Variants in PHKG2 observed in about 807,000 individuals in gnomAD.
PHKG2 encodes phosphorylase b kinase gamma catalytic chain, liver/testis isoform.
Under a neutral mutation model 44.5 loss-of-function variants are expected in PHKG2, and 28 were observed. The ratio of observed to expected loss-of-function variants is 0.63; its 90% CI spans 0.47 to 0.86. The LOEUF (loss-of-function observed/expected upper bound fraction) is 0.86. Among genes scored for constraint, PHKG2 ranks in the 40% least tolerant of loss-of-function variants. The pLI, the probability that PHKG2 is intolerant of heterozygous loss-of-function variation, is 0.00. For synonymous variants in PHKG2, 220 were observed against 211.2 expected (o/e 1.04, Z -0.36); for missense variants, 498 against 547.5 (o/e 0.91, Z 0.90).
Position 30,753,404 on chromosome 16 carries a change from C to G in PHKG2, c.403C>G (p.Arg135Gly). 2 of 1,614,144 alleles carry G rather than the reference C, an allele frequency of 1.2e-6. No homozygotes were observed. Among genetic ancestry groups the G allele is most frequent in the Non-Finnish European group, 1.7e-6 (2 of 1,180,018 alleles). The change falls in exon 6 of 10, where the codon CGG (arginine) becomes GGG (glycine). Residue 135 changes from arginine (R) to glycine (G), a missense_variant. Arg to Gly is a moderately radical substitution (Grantham distance 125, BLOSUM62 -2). Transcript: ENST00000563588. ...CTCCCCTTCCCCCAGGTCCATCATGCGGTCTCTGCTGGAAGCAGTGAGCTT... is the reference window on the plus strand; with the variant it reads ...CTCCCCTTCCCCCAGGTCCATCATGGGGTCTCTGCTGGAAGCAGTGAGCTT... ...LSEKETRSIM[R>G]SLLEAVSFLH...
At position 30,753,531 on chromosome 16, in the gene PHKG2, A is replaced by T. The variant is rs139116127; in HGVS notation, c.530A>T (p.His177Leu). The T allele has an allele frequency of 6.2e-6, 10 of 1,614,036 alleles. No homozygotes were observed. Among genetic ancestry groups the T allele is most frequent in the Non-Finnish European group, 6.8e-6 (8 of 1,180,026 alleles). ...CTTTCAGATTTCGGGTTCTCCTGCC[A>T]CTTGGAACCTGGCGAGAAGCTTCGA... Reference protein sequence around the residue: ...IRLSDFGFSCHLEPGEKLREL... With the variant: ...IRLSDFGFSCLLEPGEKLREL... Residue 177 changes from histidine (H) to leucine (L), a missense_variant, in exon 6 of 10, where the codon CAC becomes CTC. Coordinates refer to ENST00000563588, the MANE Select transcript of PHKG2 (RefSeq NM_000294.3).
At position 30,751,569 on chromosome 16, in the gene PHKG2, G is replaced by C. The variant is rs746197626; in HGVS notation, c.292G>C (p.Glu98Gln). The change falls in exon 4 of 10, where the codon GAG (glutamate) becomes CAG (glutamine). Residue 98 changes from glutamate (E) to glutamine (Q), a missense_variant. Glu to Gln is a conservative substitution (Grantham distance 29). Transcript: ENST00000563588. ...PHIITLIDSY[E>Q]SSSFMFLVFD... ...CCTAGTCACCCTCATCGATTCCTAC[G>C]AGTCTTCTAGCTTCATGTTCCTGGT... is the stretch of plus-strand genomic sequence containing the variant. 1.9e-6 allele frequency: 3 copies of C among 1,613,612 alleles called. No homozygotes were observed. The highest frequency in any genetic ancestry group is 2.7e-5 in the African/African-American group (2 of 74,836).
At chr16:30,753,326 T>C in intron 5 of PHKG2, 29 bp downstream of exon 5, 1 of 1,612,250 alleles carries the variant, frequency 6.2e-7, no homozygotes, top group Non-Finnish European at 8.5e-7. Flanking sequence ...GCCCCAGGGG[T>C]GAGCAGGGGG....
In PHKG2 at chr16:30,757,079, C is replaced by G. The variant is rs369904042; in HGVS notation, c.1203C>G (p.Ala401=). Residue 401 remains alanine, a synonymous_variant, in exon 10 of 10, where the codon GCC becomes GCG. Transcript: ENST00000563588. ...CTGCTGCTATAACTGAGGATGAGGC[C>G]GTGCTTGTGCTGGGCTAGGACCTCA... ...GDSAAITEDE[A]VLVLG 1.2e-6 allele frequency: 2 copies of G among 1,613,294 alleles called. No homozygotes were observed. The highest frequency in any genetic ancestry group is 2.2e-5 in the East Asian group (1 of 44,878).
In PHKG2 at chr16:30,758,462, C is replaced by CA. The variant is rs2053523253; in HGVS notation, c.*1365_*1366insA. On this transcript the variant is annotated 3_prime_UTR_variant, in exon 10 of 10. Coordinates refer to ENST00000563588, the MANE Select transcript of PHKG2 (RefSeq NM_000294.3). ...GGTATACATGGGCCATGGTGGTTTGCTTTACCCATCAACCCATCATATAGG... is the reference window on the plus strand; with the variant it reads ...GGTATACATGGGCCATGGTGGTTTGCATTTACCCATCAACCCATCATATAGG... The CA allele has an allele frequency of 6.0e-6, 1 of 166,942 alleles. No homozygotes were observed. Among genetic ancestry groups the CA allele is most frequent in the Non-Finnish European group, 1.3e-5 (1 of 76,274 alleles). 10.3% of individuals were successfully genotyped at this position (166,942 alleles called of 1,614,324 possible).
At chr16:30,754,186 G>A (rs2053387505) in intron 6 of PHKG2, among the ~76,000 whole-genome samples, 2 of 141,830 alleles carry the variant, frequency 1.4e-5, no homozygotes, top group South Asian at 4.5e-4. Flanking sequence ...TTTTTTTTGA[G>A]ACAGAGTCTC....
chr16:30,760,761 G>A lies in PHKG2; in HGVS notation c.*3664G>A. 8.5e-7 allele frequency: 1 copy of A among 1,176,734 alleles called. No homozygotes were observed. The highest frequency in any genetic ancestry group is 1.2e-6 in the Non-Finnish European group (1 of 810,534). The allele number at this position is 1,176,734 out of a possible 1,614,324, so 72.9% of individuals were successfully genotyped here. A position where few individuals can be genotyped will look rare whatever the true frequency, so the allele number is the denominator to read the frequency against. Reference sequence around the variant, plus strand: ...GCGTGAGACTGGGAGTTGGCCACCGGCGTGAAGCTGGGCTCTTTTGCCAGC... The same window carrying A: ...GCGTGAGACTGGGAGTTGGCCACCGACGTGAAGCTGGGCTCTTTTGCCAGC... On this transcript the variant is annotated 3_prime_UTR_variant, in exon 10 of 10. Transcript: ENST00000563588.
rs563001708 is a variant in PHKG2, at chr16:30,749,655, T to A, written c.95+740T>A. 1.3e-3 allele frequency among the ~76,000 whole-genome samples: 197 copies of A among 152,330 alleles called. 2 individuals are homozygous for A. Among genetic ancestry groups the A allele is most frequent in the Non-Finnish European group, 2.3e-3 (154 of 68,022 alleles). On this transcript the variant is annotated intron_variant, in intron 2 of 9. Transcript: ENST00000563588. ...CACCGCGCCTGGTTGACTGAATAGT[T>A]CTAAATGGGAAGAATCAGTGATCAG...
chr16:30,748,559 C>T, intron 1 of PHKG2, 69 bp downstream of exon 1: 2 of 548,656 alleles, frequency 3.6e-6, no homozygotes, highest in Non-Finnish European at 6.5e-6. Context: ...CAACAGCCGC[C>T]TGCCCTTGCG....
Position 30,760,762 on chromosome 16 carries a change from C to G in PHKG2, c.*3665C>G. 9 of 1,176,470 alleles carry G rather than the reference C, an allele frequency of 7.6e-6. No homozygotes were observed. The highest frequency in any genetic ancestry group is 1.3e-5 in the South Asian group (1 of 76,496). 72.9% of individuals were successfully genotyped at this position (1,176,470 alleles called of 1,614,324 possible). On this transcript the variant is annotated 3_prime_UTR_variant, in exon 10 of 10. Transcript: ENST00000563588. ...CGTGAGACTGGGAGTTGGCCACCGGCGTGAAGCTGGGCTCTTTTGCCAGCT... is the reference window on the plus strand; with the variant it reads ...CGTGAGACTGGGAGTTGGCCACCGGGGTGAAGCTGGGCTCTTTTGCCAGCT...
At chr16:30,749,204 G>GT (rs1555466889) in intron 2 of PHKG2, among the ~76,000 whole-genome samples, 46 of 91,928 alleles carry the variant, frequency 5.0e-4, no homozygotes, top group Middle Eastern at 5.2e-3. Flanking sequence ...TGCTGGTGGT[G>GT]GTGTGTGTGT....
chr16:30,755,785 A>T (rs565353097), intron 6 of PHKG2, among the ~76,000 whole-genome samples: 3 of 151,724 alleles, frequency 2.0e-5, no homozygotes, highest in Admixed American at 1.3e-4. Flanking sequence ...AATGCAGAAA[A>T]TTTTTTTTTG....
chr16:30,758,656 T>C lies in PHKG2; in HGVS notation c.*1559T>C, dbSNP rs376553532. 4.0e-5 allele frequency: 12 copies of C among 301,386 alleles called. No individual in the cohort carries two copies. The highest frequency in any genetic ancestry group is 2.6e-4 in the African/African-American group (12 of 45,796). 18.7% of individuals were successfully genotyped at this position (301,386 alleles called of 1,614,324 possible). ...CTGCAGTCTCCACCTCCTGGGTTCA[T>C]GCAGTTCTCCTGCCTCAGCCTCCTG... On this transcript the variant is annotated 3_prime_UTR_variant, in exon 10 of 10. Coordinates refer to ENST00000563588, the MANE Select transcript of PHKG2 (RefSeq NM_000294.3).
At position 30,760,594 on chromosome 16, in the gene PHKG2, CT is replaced by C; in HGVS notation, c.*3498del. ...TGCCAAGAGCTCTTCCCACGCCCCC[CT>C]CAGTCCCTACTCCCTCATCTCAGCA... On this transcript the variant is annotated 3_prime_UTR_variant, in exon 10 of 10. Coordinates refer to ENST00000563588, the MANE Select transcript of PHKG2 (RefSeq NM_000294.3). 1 of 1,556,004 alleles carries C rather than the reference CT, an allele frequency of 6.4e-7. No homozygotes were observed. The highest frequency in any genetic ancestry group is 8.7e-7 in the Non-Finnish European group (1 of 1,147,326).
chr16:30,748,711 A>G (rs1378509045), intron 1 of PHKG2, 92 bp from the exon 2 acceptor site: 1 of 70,936 alleles, frequency 1.4e-5, no homozygotes, highest in African/African-American at 1.2e-4. Context: ...CTGGCGCCCC[A>G]GCTGCAAGGG....
chr16:30,757,378 G>A lies in PHKG2; in HGVS notation c.*281G>A. 6.5e-7 allele frequency: 1 copy of A among 1,544,330 alleles called. No homozygotes were observed. Among genetic ancestry groups the A allele is most frequent in the Non-Finnish European group, 8.7e-7 (1 of 1,145,898 alleles). ...ACGCCAGGGAGAACAGGTGTCCTGT[G>A]TCTGTCTGGCTTGGGCAGGAAAGCC... On this transcript the variant is annotated 3_prime_UTR_variant, in exon 10 of 10. Coordinates refer to ENST00000563588, the MANE Select transcript of PHKG2 (RefSeq NM_000294.3).
rs1414193475 is a variant in PHKG2 at position 30,749,139 on chromosome 16, C to CTGGTGGTGCTGGTGCTGGTGG, written c.95+229_95+230insGTGCTGGTGCTGGTGGTGGTG. Among the ~76,000 whole-genome samples the CTGGTGGTGCTGGTGCTGGTGG allele has an allele frequency of 2.6e-5, 2 of 76,006 alleles. 1 individual carries two copies. The highest frequency in any genetic ancestry group is 1.1e-4 in the African/African-American group (2 of 17,646). 49.9% of individuals were successfully genotyped at this position (76,006 alleles called of 152,430 possible). A position where few individuals can be genotyped will look rare whatever the true frequency, so the allele number is the denominator to read the frequency against. Reference sequence around the variant, plus strand: ...GGTGCTGGTGCTGGTGGTGGTGGTGCTGGTGCTGGTGGTGGTGCTGGTGGT... The same window carrying CTGGTGGTGCTGGTGCTGGTGG: ...GGTGCTGGTGCTGGTGGTGGTGGTGCTGGTGGTGCTGGTGCTGGTGGTGGTGCTGGTGGTGGTGCTGGTGGT... On this transcript the variant is annotated intron_variant, in intron 2 of 9. Coordinates refer to ENST00000563588, the MANE Select transcript of PHKG2 (RefSeq NM_000294.3).
At chr16:30,752,917 T>A in intron 4 of PHKG2, 1 of 421,630 alleles carries the variant, frequency 2.4e-6, no homozygotes, top group South Asian at 2.7e-5. Flanking sequence ...TTGGTCCATT[T>A]TCTTTATAGA....
Position 30,756,478 on chromosome 16 carries a change from T to C in PHKG2, c.759T>C (p.Ser253=), listed in dbSNP as rs1211452599. 1 of 1,613,596 alleles carries C rather than the reference T, an allele frequency of 6.2e-7. No homozygotes were observed. Among genetic ancestry groups the C allele is most frequent in the Non-Finnish European group, 8.5e-7 (1 of 1,179,994 alleles). ...TCATGGAGGGCCAGTACCAGTTCAG[T>C]TCCCCCGAGTGGGATGACCGTTCCA... The part of the protein sequence containing the change: ...RMIMEGQYQF[S]SPEWDDRSST... Residue 253 remains serine (S), a synonymous_variant, in exon 8 of 10, where the codon AGT becomes AGC. Coordinates refer to ENST00000563588, the MANE Select transcript of PHKG2 (RefSeq NM_000294.3).
Sources: gnomAD v4.1 joint callset for allele counts (sites outside exome capture counted in the v4.1 genomes callset) on GRCh38, gnomAD v4.1.1 for gene constraint, MANE v1.5 for transcripts, NCBI Gene and HGNC (gene_info 2026-07-23, HGNC 2026-07-21) for gene names.